The following PCDH15 variants were observed in gnomAD, a reference collection of about 807,000 sequenced individuals.
PCDH15 encodes protocadherin related 15.
A neutral mutation model predicts 178.5 loss-of-function variants in PCDH15; 129 were observed. That is an observed-to-expected ratio of 0.72 (90% CI 0.63 to 0.84). PCDH15 has a LOEUF of 0.84. Ranked by LOEUF, PCDH15 falls within the 40% of genes least tolerant of loss-of-function variation. The pLI is 0.00. For missense variants in PCDH15, 2,230 were observed against 2,099.9 expected (o/e 1.06, Z -1.21); for synonymous variants, 800 against 732.0 (o/e 1.09, Z -1.50).
intron 15 of PCDH15, 49 bp downstream of exon 15, chr10:54,132,826 C>G: frequency 6.4e-7 from 1 of 1,564,192 alleles, no homozygotes; most frequent in Non-Finnish European, 8.7e-7. Flanking sequence ...CCAAGCTTGT[C>G]ACTTTAGAAT....
intron 26 of PCDH15, among the ~76,000 whole-genome samples, chr10:53,870,942 AT>A (rs568391470): frequency 1.6e-4 from 24 of 152,208 alleles, no homozygotes; most frequent in Admixed American, 9.2e-4. Context: ...TATTGTCTCT[AT>A]TTGTTGTTAA....
rs61853644 is a variant in PCDH15, at chr10:54,569,890, C to G, written c.92-42013G>C. On this transcript the variant is annotated intron_variant, in intron 2 of 37. Transcript: ENST00000644397. Reference sequence around the variant, plus strand: ...TCGTAGGTGGTGTGACCTCAGTATACGTTGAAGTCAGAGATTACATTGGGT... The same window carrying G: ...TCGTAGGTGGTGTGACCTCAGTATAGGTTGAAGTCAGAGATTACATTGGGT... Among the ~76,000 whole-genome samples, 324 of 152,168 alleles carry G rather than the reference C, an allele frequency of 2.1e-3. 3 individuals carry two copies. Among genetic ancestry groups the G allele is most frequent in the Admixed American group, 4.8e-3 (74 of 15,290 alleles).
rs1287690747 is a variant in PCDH15 at position 54,472,328 on chromosome 10, A to G, written c.157+55484T>C. On this transcript the variant is annotated intron_variant, in intron 3 of 37. Transcript: ENST00000644397. ...TCAATTTGATGGGAAAACTAGACAA[A>G]TTAGTCAGTGGGAATTAGGTTTATT... Among the ~76,000 whole-genome samples the G allele has an allele frequency of 3.3e-5, 5 of 152,086 alleles. No individual in the cohort carries two copies. The East Asian group carries it at 9.6e-4, about 29-fold the overall frequency.
At chr10:55,336,325 C>A (rs946710466) in intron 2 of PCDH15, among the ~76,000 whole-genome samples, 1 of 151,628 alleles carries the variant, frequency 6.6e-6, no homozygotes, top group African/African-American at 2.4e-5. Flanking sequence ...TGGTGAAACC[C>A]CCTCTCTACT....
chr10:54,822,988 A>G (rs1434070187), intron 3 of PCDH15, among the ~76,000 whole-genome samples: 1 of 151,678 alleles, frequency 6.6e-6, no homozygotes, highest in Non-Finnish European at 1.5e-5. Context: ...TTCAAGAAAT[A>G]CTCCTGCCTC....
intron 25 of PCDH15, among the ~76,000 whole-genome samples, chr10:53,914,829 T>C (rs1169157554): frequency 2.0e-5 from 3 of 152,204 alleles, no homozygotes; most frequent in Admixed American, 1.3e-4. Context: ...AACAGATTTC[T>C]CTAAAAAGTT....
chr10:54,183,849 T>G (rs542719947), intron 12 of PCDH15, among the ~76,000 whole-genome samples: 11 of 152,330 alleles, frequency 7.2e-5, no homozygotes, highest in African/African-American at 2.4e-4. Flanking sequence ...TAATCAGATA[T>G]GCAAAATATC....
intron 2 of PCDH15, among the ~76,000 whole-genome samples, chr10:55,104,652 C>T (rs1010341164): frequency 1.1e-4 from 16 of 152,118 alleles, no homozygotes; most frequent in African/African-American, 3.9e-4. Context: ...ATGCTGGATT[C>T]ATTTATCTTG....
intron 8 of PCDH15, among the ~76,000 whole-genome samples, chr10:54,249,267 A>G (rs933351966): frequency 6.6e-6 from 1 of 152,086 alleles, no homozygotes; most frequent in African/African-American, 2.4e-5. Context: ...AATATGCATC[A>G]AAAACCTATT....
chr10:53,916,415 G>T (rs987661695), intron 25 of PCDH15, among the ~76,000 whole-genome samples: 1 of 148,880 alleles, frequency 6.7e-6, no homozygotes, highest in Non-Finnish European at 1.5e-5. Context: ...AGGAGTTAAG[G>T]ATGCAAAATT....
chr10:55,179,705 G>A (rs928601189), intron 1 of PCDH15, among the ~76,000 whole-genome samples: 1 of 151,888 alleles, frequency 6.6e-6, no homozygotes, highest in Non-Finnish European at 1.5e-5. Flanking sequence ...TATTCCTCTT[G>A]GTTGTGGGAC....
At chr10:54,950,081 T>C (rs908241123) in intron 2 of PCDH15, among the ~76,000 whole-genome samples, 1 of 151,986 alleles carries the variant, frequency 6.6e-6, no homozygotes, top group Admixed American at 6.6e-5. Flanking sequence ...TGCACTATTA[T>C]CTCGATACCA....
chr10:54,976,923 T>A lies in PCDH15; in HGVS notation c.-79-79423A>T, dbSNP rs933253597. On this transcript the variant is annotated intron_variant, in intron 2 of 5. Transcript: ENST00000458638. ...AGTTAGTTTGGTCTACACCTAGGAA[T>A]GATAAAGAAAGCCAGCCTGTGAGGC... Among the ~76,000 whole-genome samples the A allele has an allele frequency of 3.3e-5, 5 of 152,108 alleles. No homozygotes were observed. The East Asian group carries it at 9.6e-4, about 29-fold the overall frequency.
At chr10:54,040,967 C>T (rs1488401565) in intron 18 of PCDH15, among the ~76,000 whole-genome samples, 3 of 151,980 alleles carry the variant, frequency 2.0e-5, no homozygotes, top group Non-Finnish European at 4.4e-5. Flanking sequence ...TTGGATCTCA[C>T]ATGAATTGAA....
At chr10:54,982,052 G>A (rs1839247291) in intron 2 of PCDH15, among the ~76,000 whole-genome samples, 2 of 151,888 alleles carry the variant, frequency 1.3e-5, no homozygotes, top group African/African-American at 4.8e-5. Flanking sequence ...TTACAGGAGT[G>A]AGCCACTGCA....
intron 2 of PCDH15, among the ~76,000 whole-genome samples, chr10:55,470,657 C>A (rs145712628): frequency 1.3e-5 from 2 of 152,078 alleles, no homozygotes; most frequent in African/African-American, 4.8e-5. Context: ...TACAGTGACA[C>A]GTCAAATGCA....
intron 17 of PCDH15, among the ~76,000 whole-genome samples, chr10:54,073,222 C>A (rs1371460320): frequency 1.3e-5 from 2 of 149,820 alleles, no homozygotes; most frequent in East Asian, 3.9e-4. Context: ...TTATAGTATA[C>A]CTGTATACTA....
At chr10:54,383,112 T>C (rs563312349) in intron 3 of PCDH15, among the ~76,000 whole-genome samples, 1 of 152,220 alleles carries the variant, frequency 6.6e-6, no homozygotes, top group South Asian at 2.1e-4. Context: ...GATTTGAGCA[T>C]ATAAAGGAGT....
chr10:55,101,050 T>C (rs1364475094), intron 2 of PCDH15, among the ~76,000 whole-genome samples: 9 of 152,146 alleles, frequency 5.9e-5, no homozygotes, highest in Admixed American at 5.9e-4. Context: ...TGTTATTCAG[T>C]TCCTTAATTT....
Sources: gnomAD v4.1 joint callset for allele counts (sites outside exome capture counted in the v4.1 genomes callset) on GRCh38, gnomAD v4.1.1 for gene constraint, MANE v1.5 for transcripts, NCBI Gene and HGNC (gene_info 2026-07-23, HGNC 2026-07-21) for gene names.